IGF2BP2: variants seen among roughly 807,000 people sequenced by gnomAD.
The protein encoded by IGF2BP2 is insulin-like growth factor 2 mRNA-binding protein 2.
Under a neutral mutation model 75.8 loss-of-function variants are expected in IGF2BP2, and 17 were observed. The ratio of observed to expected loss-of-function variants is 0.22; its 90% CI spans 0.15 to 0.34. The LOEUF (loss-of-function observed/expected upper bound fraction) is 0.34. Among genes scored for constraint, IGF2BP2 ranks in the 10% least tolerant of loss-of-function variants. The pLI is 1.00. For synonymous variants in IGF2BP2, 288 were observed against 295.6 expected (o/e 0.97, Z 0.26); for missense variants, 516 against 772.4 (o/e 0.67, Z 3.93).
At chr3:185,715,529 G>C (rs1250715070) in intron 2 of IGF2BP2, among the ~76,000 whole-genome samples, 1 of 152,194 alleles carries the variant, frequency 6.6e-6, no homozygotes, top group Admixed American at 6.5e-5. Flanking sequence ...TCAGAAAAGA[G>C]AACTCTACAG....
rs1254847212 is a variant in IGF2BP2, at chr3:185,657,513, C to A, written c.1270-111G>T. The A allele has an allele frequency of 1.5e-5, 12 of 806,328 alleles. 1 individual carries two copies. The highest frequency in any genetic ancestry group is 2.4e-5 in the Non-Finnish European group (12 of 501,764). The allele number at this position is 806,328 out of a possible 1,614,324, so 49.9% of individuals were successfully genotyped here. A position where few individuals can be genotyped will look rare whatever the true frequency, so the allele number is the denominator to read the frequency against. The stretch of plus-strand genomic sequence containing the variant: ...GAACCCCATGGTGGGAAGGCCCCGC[C>A]ACCCAAGGAAATGGCCAAAATGGTG... On this transcript the variant is annotated intron_variant, in intron 11 of 15. Transcript: ENST00000382199.
intron 2 of IGF2BP2, among the ~76,000 whole-genome samples, chr3:185,742,030 AG>A (rs1729618469): frequency 6.6e-6 from 1 of 152,198 alleles, no homozygotes; most frequent in South Asian, 2.1e-4. Context: ...CTTTTCCATT[AG>A]TTTTCCATAG....
intron 2 of IGF2BP2, chr3:185,722,544 TGGTGGGAA>T (rs945586103): frequency 3.8e-5 from 10 of 265,436 alleles, no homozygotes; most frequent in African/African-American, 9.4e-5. Flanking sequence ...GTAAGTGATA[TGGTGGGAA>T]GGTGGGAAGG....
At chr3:185,713,101 T>TGC (rs1725054639) in intron 2 of IGF2BP2, among the ~76,000 whole-genome samples, 1 of 150,896 alleles carries the variant, frequency 6.6e-6, no homozygotes, top group African/African-American at 2.4e-5. Context: ...TGTGTGTGTG[T>TGC]GCAAGAGACA....
At chr3:185,749,273 T>A (rs998979491) in intron 2 of IGF2BP2, among the ~76,000 whole-genome samples, 1 of 152,236 alleles carries the variant, frequency 6.6e-6, no homozygotes, top group African/African-American at 2.4e-5. Flanking sequence ...TTGTAAAGGA[T>A]AATTGTCTAC....
intron 2 of IGF2BP2, 101 bp from the exon 3 acceptor site, chr3:185,698,448 A>C: frequency 4.2e-5 from 45 of 1,071,432 alleles, no homozygotes; most frequent in Non-Finnish European, 6.0e-5. Context: ...TTGTTTTCTC[A>C]CTGTGTTCAC....
At chr3:185,810,066 C>T (rs895273589) in intron 2 of IGF2BP2, among the ~76,000 whole-genome samples, 2 of 152,184 alleles carry the variant, frequency 1.3e-5, no homozygotes, top group African/African-American at 2.4e-5. Flanking sequence ...CTCTTCTATG[C>T]CCTACCATCT....
chr3:185,731,451 C>T (rs1248396748), intron 2 of IGF2BP2, among the ~76,000 whole-genome samples: 1 of 151,744 alleles, frequency 6.6e-6, no homozygotes, highest in East Asian at 2.0e-4. Context: ...TGAGGTTTCA[C>T]CATGTTGGCC....
chr3:185,740,095 G>A (rs939656695), intron 2 of IGF2BP2, among the ~76,000 whole-genome samples: 2 of 151,918 alleles, frequency 1.3e-5, no homozygotes, highest in Non-Finnish European at 2.9e-5. Context: ...CAATCCACCC[G>A]CCTCAGCATC....
At chr3:185,652,562 A>C (rs1714777855) in intron 12 of IGF2BP2, among the ~76,000 whole-genome samples, 2 of 152,186 alleles carry the variant, frequency 1.3e-5, no homozygotes, top group African/African-American at 2.4e-5. Flanking sequence ...GGGCAGGTCC[A>C]CCAAGGTGTT....
intron 2 of IGF2BP2, among the ~76,000 whole-genome samples, chr3:185,721,326 C>T (rs1157312287): frequency 2.0e-5 from 3 of 152,140 alleles, no homozygotes; most frequent in South Asian, 2.1e-4. Flanking sequence ...CTCAGCCTCC[C>T]GAGTAGCTGA....
intron 2 of IGF2BP2, among the ~76,000 whole-genome samples, chr3:185,789,673 A>C (rs554677072): frequency 6.6e-5 from 10 of 152,164 alleles, no homozygotes; most frequent in Admixed American, 5.9e-4. Flanking sequence ...GCAAAAAAAA[A>C]AACCCCTTTT....
chr3:185,676,670 G>A (rs980168978), intron 7 of IGF2BP2, among the ~76,000 whole-genome samples: 4 of 147,174 alleles, frequency 2.7e-5, no homozygotes, highest in African/African-American at 1.0e-4. Context: ...GCAAGACCCT[G>A]TCTAAAAACA....
At chr3:185,743,811 G>A (rs1447840598) in intron 2 of IGF2BP2, among the ~76,000 whole-genome samples, 1 of 152,154 alleles carries the variant, frequency 6.6e-6, no homozygotes, top group African/African-American at 2.4e-5. Context: ...TTCTGGCTTT[G>A]GTGAAATCAA....
At chr3:185,779,920 T>C (rs1337572492) in intron 2 of IGF2BP2, among the ~76,000 whole-genome samples, 1 of 152,352 alleles carries the variant, frequency 6.6e-6, no homozygotes, top group South Asian at 2.1e-4. Context: ...GAGAAATACT[T>C]GTATATAAGC....
At chr3:185,796,277 G>A (rs1282796103) in intron 2 of IGF2BP2, among the ~76,000 whole-genome samples, 1 of 151,984 alleles carries the variant, frequency 6.6e-6, no homozygotes, top group Non-Finnish European at 1.5e-5. Context: ...GAGCTCCAGG[G>A]ATAGGCGGGG....
intron 2 of IGF2BP2, among the ~76,000 whole-genome samples, chr3:185,750,277 A>T (rs191472975): frequency 1.3e-5 from 2 of 152,268 alleles, no homozygotes; most frequent in African/African-American, 4.8e-5. Flanking sequence ...TTGTGAAAGG[A>T]TCCTTCAGGA....
At chr3:185,684,916 G>A (rs1377227746) in intron 7 of IGF2BP2, among the ~76,000 whole-genome samples, 1 of 151,976 alleles carries the variant, frequency 6.6e-6, no homozygotes, top group East Asian at 1.9e-4. Flanking sequence ...TTAGCACAGT[G>A]TAGGCACTGA....
chr3:185,755,678 T>C (rs1275376886), intron 2 of IGF2BP2, among the ~76,000 whole-genome samples: 1 of 152,204 alleles, frequency 6.6e-6, no homozygotes, highest in Non-Finnish European at 1.5e-5. Context: ...AGGATTACAT[T>C]GGAGCTGTAA....
Sources: allele counts gnomAD v4.1 joint callset (sites outside exome capture counted in the v4.1 genomes callset), GRCh38; gene constraint gnomAD v4.1.1; transcripts MANE v1.5; gene names NCBI Gene and HGNC (gene_info 2026-07-23, HGNC 2026-07-21).